The following ANK3 variants were observed in gnomAD, a reference collection of about 807,000 sequenced individuals.
ANK3 encodes ankyrin 3.
A neutral mutation model predicts 370.9 loss-of-function variants in ANK3; 57 were observed. The ratio of observed to expected loss-of-function variants is 0.15; its 90% CI spans 0.12 to 0.19. ANK3 has a LOEUF of 0.19. ANK3 is among the 10% of genes least tolerant of loss of function. The pLI is 1.00. For synonymous variants in ANK3, 1,929 were observed against 1,946.3 expected, an observed-to-expected ratio of 0.99 and a Z score of 0.23; for missense variants, 4,439 against 5,302.1, an observed-to-expected ratio of 0.84 and a Z score of 5.06.
intron 2 of ANK3, among the ~76,000 whole-genome samples, chr10:60,557,272 G>A (rs2077229670): frequency 6.6e-6 from 1 of 152,012 alleles, no homozygotes; most frequent in Non-Finnish European, 1.5e-5. Flanking sequence ...GACAAAATGT[G>A]GAACATCCAT....
Position 60,172,183 on chromosome 10 carries a change from G to A in ANK3, c.2478+125C>T, listed in dbSNP as rs139888366. 12 of 677,132 alleles carry A rather than the reference G, an allele frequency of 1.8e-5. No individual in the cohort carries two copies. In the African/African-American group the frequency reaches 2.0e-4, roughly 11 times the overall value. The allele number at this position is 677,132 out of a possible 1,614,324, so 41.9% of individuals were successfully genotyped here. A position where few individuals can be genotyped will look rare whatever the true frequency, so the allele number is the denominator to read the frequency against. On this transcript the variant is annotated intron_variant, in intron 21 of 43. Coordinates refer to ENST00000280772, the MANE Select transcript of ANK3 (RefSeq NM_020987.5). ...TGCTATCCTGACTACCAACAATGAG[G>A]TGACTGTATTTTAAAACATGGTGCT...
In ANK3 at chr10:60,203,653, T is replaced by C. The variant is rs140245637; in HGVS notation, c.1294-553A>G. Among the ~76,000 whole-genome samples, 575 of 152,320 alleles carry C rather than the reference T, an allele frequency of 3.8e-3. 6 individuals carry two copies. Among genetic ancestry groups the C allele is most frequent in the African/African-American group, 0.013 (547 of 41,574 alleles). On this transcript the variant is annotated intron_variant, in intron 11 of 43. Transcript: ENST00000280772. ...TTTAATTGTTTAACTTTATGGGTAT[T>C]ATAAATTAAAGCAATCTAAATAAAG...
chr10:60,123,183 G>A (rs1023080989), intron 25 of ANK3, among the ~76,000 whole-genome samples: 2 of 152,010 alleles, frequency 1.3e-5, no homozygotes, highest in East Asian at 1.9e-4. Flanking sequence ...AAATTCACAC[G>A]GAATTTTTAA....
chr10:60,228,014 G>A (rs2097189033), intron 8 of ANK3, among the ~76,000 whole-genome samples: 1 of 152,118 alleles, frequency 6.6e-6, no homozygotes, highest in African/African-American at 2.4e-5. Flanking sequence ...TTTGTCCAGA[G>A]CTGATGACTT....
At chr10:60,497,221 C>A (rs1315711386) in intron 2 of ANK3, among the ~76,000 whole-genome samples, 1 of 152,102 alleles carries the variant, frequency 6.6e-6, no homozygotes, top group Non-Finnish European at 1.5e-5. Context: ...AGGAGAATTG[C>A]TGGAGCCCAG....
At chr10:60,390,928 A>T (rs2063052628), upstream of ANK3, among the ~76,000 whole-genome samples, 2 of 152,186 alleles carry the variant, frequency 1.3e-5, no homozygotes, top group African/African-American at 4.8e-5. Flanking sequence ...AGGACACAGC[A>T]CCAAGTCCAA....
intron 1 of ANK3, among the ~76,000 whole-genome samples, chr10:60,677,784 C>CAAAA (rs752482255): frequency 1.3e-3 from 131 of 99,284 alleles, no homozygotes; most frequent in African/African-American, 4.5e-3. Context: ...CTCAACTACC[C>CAAAA]AAAAAAAAAA....
At chr10:60,469,092 T>C (rs1260696432) in intron 2 of ANK3, among the ~76,000 whole-genome samples, 6 of 39,948 alleles carry the variant, frequency 1.5e-4, no homozygotes, top group African/African-American at 6.0e-4. Context: ...TATATATATA[T>C]ATACCACTTT....
intron 1 of ANK3, among the ~76,000 whole-genome samples, chr10:60,370,861 T>C (rs2060012435): frequency 6.6e-6 from 1 of 152,196 alleles, no homozygotes; most frequent in Admixed American, 6.5e-5. Context: ...GAGATAACAT[T>C]TCTTACTTTG....
chr10:60,133,583 A>G (rs2094199084), intron 25 of ANK3, among the ~76,000 whole-genome samples: 1 of 152,194 alleles, frequency 6.6e-6, no homozygotes, highest in Admixed American at 6.5e-5. Flanking sequence ...CTTACTAAAA[A>G]CAATTCTAAC....
chr10:60,440,814 T>C (rs1356712863), intron 2 of ANK3, among the ~76,000 whole-genome samples: 1 of 152,272 alleles, frequency 6.6e-6, no homozygotes, highest in East Asian at 1.9e-4. Flanking sequence ...ATAAATTTCA[T>C]CCAACCACCC....
intron 2 of ANK3, among the ~76,000 whole-genome samples, chr10:60,422,559 T>G (rs1160304243): frequency 1.3e-5 from 2 of 152,120 alleles, no homozygotes; most frequent in Non-Finnish European, 1.5e-5. Context: ...CTACCTGGAT[T>G]CAGCAACACA....
intron 1 of ANK3, among the ~76,000 whole-genome samples, chr10:60,730,674 C>A (rs1376283524): frequency 6.6e-6 from 1 of 152,102 alleles, no homozygotes; most frequent in Non-Finnish European, 1.5e-5. Context: ...TAACATTAAC[C>A]CAGCATCTGA....
At chr10:60,183,914 C>T (rs1259735181) in intron 17 of ANK3, among the ~76,000 whole-genome samples, 1 of 149,716 alleles carries the variant, frequency 6.7e-6, no homozygotes, top group African/African-American at 2.4e-5. Flanking sequence ...ATTAAAATAG[C>T]AACATCTCTG....
chr10:60,302,202 T>C (rs1041258021), intron 1 of ANK3, among the ~76,000 whole-genome samples: 1 of 152,092 alleles, frequency 6.6e-6, no homozygotes, highest in Non-Finnish European at 1.5e-5. Flanking sequence ...AAGTGATAAA[T>C]ACTATGGGAA....
chr10:60,458,946 A>AG (rs1286060539), intron 2 of ANK3, among the ~76,000 whole-genome samples: 10 of 152,148 alleles, frequency 6.6e-5, no homozygotes, highest in Non-Finnish European at 1.5e-4. Context: ...GATTGGCCTT[A>AG]ATGCTCCTAA....
intron 1 of ANK3, among the ~76,000 whole-genome samples, chr10:60,698,949 G>C (rs1589046627): frequency 6.6e-6 from 1 of 150,956 alleles, no homozygotes; most frequent in East Asian, 1.9e-4. Flanking sequence ...AAATAAAACA[G>C]ACTTTGGAGT....
At chr10:60,166,951 T>C (rs1396898939) in intron 21 of ANK3, 55 bp from the exon 22 acceptor site, 7 of 1,388,426 alleles carry the variant, frequency 5.0e-6, no homozygotes, top group South Asian at 1.2e-5. Context: ...TTTTAATGGG[T>C]CTTTTCATTT....
At chr10:60,067,869 CT>C in intron 38 of ANK3, 65 bp downstream of exon 38, 2 of 1,320,240 alleles carry the variant, frequency 1.5e-6, no homozygotes, top group South Asian at 2.8e-5. Flanking sequence ...ATATATTGAA[CT>C]GCTTGTGAGT....
Sources: allele counts gnomAD v4.1 joint callset (sites outside exome capture counted in the v4.1 genomes callset), GRCh38; gene constraint gnomAD v4.1.1; transcripts MANE v1.5; gene names NCBI Gene and HGNC (gene_info 2026-07-23, HGNC 2026-07-21).